The following ABLIM1 variants were observed in gnomAD, a reference collection of about 807,000 sequenced individuals.
ABLIM1 encodes actin binding LIM protein 1.
ABLIM1 carries 40 observed loss-of-function variants against 107.0 expected under a neutral mutation model. The observed-to-expected ratio is 0.37, with a 90% CI of 0.29 to 0.49. The LOEUF is 0.49. Ranked by LOEUF, ABLIM1 falls within the 20% of genes least tolerant of loss-of-function variation. ABLIM1 has a pLI of 0.97. For synonymous variants in ABLIM1, 357 were observed against 357.3 expected (o/e 1.00, Z 0.01); for missense variants, 857 against 1,008.5 (o/e 0.85, Z 2.04).
intron 8 of ABLIM1, among the ~76,000 whole-genome samples, chr10:114,476,684 T>C (rs1050429093): frequency 9.0e-6 from 1 of 111,140 alleles, no homozygotes; most frequent in Non-Finnish European, 2.0e-5. Context: ...AATAATAAAG[T>C]GCAATTTCTA....
At chr10:114,663,875 G>A (rs11196846) in intron 1 of ABLIM1, among the ~76,000 whole-genome samples, 2 of 152,236 alleles carry the variant, frequency 1.3e-5, no homozygotes, top group African/African-American at 2.4e-5. Context: ...GCAGGTACAC[G>A]GTGCCTGCCT....
chr10:114,613,183 C>T (rs1236358876), intron 1 of ABLIM1, among the ~76,000 whole-genome samples: 2 of 152,210 alleles, frequency 1.3e-5, no homozygotes, highest in African/African-American at 4.8e-5. Flanking sequence ...AAAAGGTATT[C>T]AAAGATAATA....
chr10:114,686,508 G>T (rs1339999979), upstream of ABLIM1, among the ~76,000 whole-genome samples: 1 of 145,594 alleles, frequency 6.9e-6, no homozygotes, highest in Non-Finnish European at 1.5e-5. Context: ...GTGAGACCCC[G>T]TCTCAAAAAA....
In ABLIM1 at chr10:114,709,249, T is replaced by A. The variant is rs577460425; in HGVS notation, c.-213+58812A>T. On this transcript the variant is annotated intron_variant, in intron 1 of 15. Coordinates refer to the ABLIM1 transcript ENST00000651092. ...CTTAGCACCCAACACTGGAGTTAGA[T>A]GGGAATGCGTTCCTTAGCACCCAAC... Among the ~76,000 whole-genome samples, 6 of 152,316 alleles carry A rather than the reference T, an allele frequency of 3.9e-5. No individual in the cohort carries two copies. In the South Asian group the frequency reaches 1.0e-3, roughly 26 times the overall value.
intron 17 of ABLIM1, among the ~76,000 whole-genome samples, chr10:114,443,523 G>T (rs1048189845): frequency 7.2e-5 from 11 of 151,960 alleles, no homozygotes; most frequent in African/African-American, 2.4e-4. Flanking sequence ...ACGTTGACCA[G>T]GCTGGTCTCA....
intron 1 of ABLIM1, among the ~76,000 whole-genome samples, chr10:114,725,159 T>C (rs1200897830): frequency 2.0e-5 from 3 of 152,100 alleles, no homozygotes; most frequent in African/African-American, 7.2e-5. Flanking sequence ...AATTGATCAA[T>C]ATCCCTCCGA....
chr10:114,676,924 C>T (rs539454686), intron 1 of ABLIM1, among the ~76,000 whole-genome samples: 7 of 152,156 alleles, frequency 4.6e-5, no homozygotes, highest in Admixed American at 1.3e-4. Context: ...TTAGTACAGA[C>T]GGGGTTTCTC....
rs577671586 is a variant in ABLIM1, at chr10:114,474,627, G to A, written c.1042-671C>T. ...GATCTCCTGACCTCGTGATCTGCCC[G>A]CCTCCACCTCCCCAAGTGCTGGGAT... is the stretch of plus-strand genomic sequence containing the variant. On this transcript the variant is annotated intron_variant, in intron 8 of 22. Transcript: ENST00000533213. Among the ~76,000 whole-genome samples the A allele has an allele frequency of 1.2e-4, 18 of 152,132 alleles. No individual in the cohort carries two copies. In the Middle Eastern group the frequency reaches 0.01, roughly 86 times the overall value.
At chr10:114,781,645 TGTGTATATATATATGC>T in the ABLIM1 span, among the ~76,000 whole-genome samples, 3 of 129,808 alleles carry the variant, frequency 2.3e-5, no homozygotes, top group South Asian at 5.1e-4. Context: ...CACGTGTGTG[TGTGTATATATATATGC>T]GTGTATATAT....
chr10:114,463,120 T>C (rs759288410), intron 12 of ABLIM1: 1 of 1,321,394 alleles, frequency 7.6e-7, no homozygotes, highest in Non-Finnish European at 1.0e-6. Flanking sequence ...CTGAGGCTGC[T>C]GGTGCGCAGG....
chr10:114,607,485 G>C (rs1172687736), intron 1 of ABLIM1, among the ~76,000 whole-genome samples: 3 of 152,148 alleles, frequency 2.0e-5, no homozygotes, highest in African/African-American at 7.2e-5. Flanking sequence ...AATGTGGATA[G>C]GAAGAAAAAA....
At chr10:114,525,751 T>G (rs1190317432) in intron 6 of ABLIM1, among the ~76,000 whole-genome samples, 2 of 152,248 alleles carry the variant, frequency 1.3e-5, no homozygotes, top group African/African-American at 4.8e-5. Flanking sequence ...CAGTTTTCTT[T>G]TAAGTCTCCA....
intron 6 of ABLIM1, among the ~76,000 whole-genome samples, chr10:114,516,308 G>C (rs2062802205): frequency 6.6e-6 from 1 of 152,158 alleles, no homozygotes; most frequent in African/African-American, 2.4e-5. Flanking sequence ...CAGATCACTT[G>C]AGGCCAGGAG....
rs115492530 is a variant in ABLIM1, at chr10:114,483,498, A to G, written c.1041+4460T>C. ...TGCCATATTGCCCAGGCTGGTCTCA[A>G]ACTCCTGGGCTCTAGTGATCTGCCC... On this transcript the variant is annotated intron_variant, in intron 8 of 22. Transcript: ENST00000533213. 2.4e-3 allele frequency among the ~76,000 whole-genome samples: 363 copies of G among 152,124 alleles called. 4 individuals carry two copies. The highest frequency in any genetic ancestry group is 8.6e-3 in the African/African-American group (359 of 41,504).
intron 1 of ABLIM1, among the ~76,000 whole-genome samples, chr10:114,608,439 G>T (rs1591560158): frequency 1.3e-5 from 2 of 152,312 alleles, no homozygotes; most frequent in East Asian, 3.9e-4. Flanking sequence ...GGAGGCCGAG[G>T]CGGGCGGATC....
chr10:114,530,525 ATATT>A (rs568405852), intron 6 of ABLIM1, among the ~76,000 whole-genome samples: 1 of 152,054 alleles, frequency 6.6e-6, no homozygotes, highest in African/African-American at 2.4e-5. Flanking sequence ...AGTGAAATAA[ATATT>A]TATTTATTTA....
chr10:114,612,638 A>G (rs2076886095), intron 1 of ABLIM1, among the ~76,000 whole-genome samples: 2 of 152,194 alleles, frequency 1.3e-5, no homozygotes, highest in South Asian at 4.1e-4. Context: ...CAGGGATCTC[A>G]AACTATCCCT....
the ABLIM1 span, among the ~76,000 whole-genome samples, chr10:114,785,001 T>C: frequency 6.6e-6 from 1 of 152,242 alleles, no homozygotes; most frequent in Non-Finnish European, 1.5e-5. Context: ...TAATAGATCT[T>C]ATACTTGCAG....
chr10:114,751,308 T>C (rs2082505865), intron 1 of ABLIM1, among the ~76,000 whole-genome samples: 2 of 152,112 alleles, frequency 1.3e-5, no homozygotes, highest in South Asian at 4.1e-4. Context: ...ATAAAAGATA[T>C]AATTTAAATT....
Sources: allele counts gnomAD v4.1 joint callset (sites outside exome capture counted in the v4.1 genomes callset), GRCh38; gene constraint gnomAD v4.1.1; transcripts MANE v1.5; gene names NCBI Gene and HGNC (gene_info 2026-07-23, HGNC 2026-07-21).